The following MMGT1 variants were observed in gnomAD, a reference collection of about 807,000 sequenced individuals.
MMGT1 encodes the protein ER membrane protein complex subunit 5.
In MMGT1, 2 loss-of-function variants were observed where a neutral mutation model predicts 11.7. That is an observed-to-expected ratio of 0.17 (90% CI 0.07 to 0.54). The LOEUF is 0.54. MMGT1 is among the 20% of genes least tolerant of loss of function. The pLI is 0.94. For missense variants in MMGT1, 74 were observed against 109.0 expected (o/e 0.68, Z 1.43); for synonymous variants, 49 against 44.4 (o/e 1.10, Z -0.41).
In MMGT1 at chrX:135,963,043, T is replaced by C. The variant is rs1556611591; in HGVS notation, c.*1981A>G. 1.8e-5 allele frequency: 2 copies of C among 111,234 alleles called. 1 individual carries two copies. Among genetic ancestry groups the C allele is most frequent in the Middle Eastern group, 9.3e-3 (2 of 216 alleles). The allele number at this position is 111,234 out of a possible 1,213,427, so 9.2% of individuals were successfully genotyped here. A position where few individuals can be genotyped will look rare whatever the true frequency, so the allele number is the denominator to read the frequency against. ...GAAGCCAGTCCCAAAAGACCGAATA[T>C]TGTAGAATTCCATTTATATGAAATG... On this transcript the variant is annotated 3_prime_UTR_variant, in exon 4 of 4. Coordinates refer to ENST00000305963, the MANE Select transcript of MMGT1 (RefSeq NM_173470.3).
Position 135,973,587 on chromosome X carries a change from A to C in MMGT1, c.79+10T>G. On this transcript the variant is annotated intron_variant, in intron 1 of 3. Coordinates refer to ENST00000305963, the MANE Select transcript of MMGT1 (RefSeq NM_173470.3). ...CACACCGAAGCGGTCCCCGTGCCCC[A>C]GGCACTTACGCTGCGCAGCGGAAAA... is the stretch of plus-strand genomic sequence containing the variant. 1 of 1,160,624 alleles carries C rather than the reference A, an allele frequency of 8.6e-7. No homozygotes were observed. Among genetic ancestry groups the C allele is most frequent in the East Asian group, 3.3e-5 (1 of 30,726 alleles).
Position 135,961,275 on chromosome X carries a change from TGATACA to T in MMGT1, c.*3743_*3748del, listed in dbSNP as rs2089153201. Among the ~76,000 whole-genome samples the T allele has an allele frequency of 9.1e-6, 1 of 109,835 alleles. No individual in the cohort carries two copies. Among genetic ancestry groups the T allele is most frequent in the African/African-American group, 3.3e-5 (1 of 30,553 alleles). On this transcript the variant is annotated 3_prime_UTR_variant, in exon 4 of 4. Transcript: ENST00000305963. The stretch of plus-strand genomic sequence containing the variant: ...AATAATGAGGTATTTTTATATATAC[TGATACA>T]GAAAGATCTCATAAAACACAGGTAG...
At position 135,962,325 on chromosome X, in the gene MMGT1, A is replaced by T. The variant is rs1200234636; in HGVS notation, c.*2699T>A. On this transcript the variant is annotated 3_prime_UTR_variant, in exon 4 of 4. Coordinates refer to ENST00000305963, the MANE Select transcript of MMGT1 (RefSeq NM_173470.3). ...TCACCTCCAACTCATTGATATGCAT[A>T]TTCTGCGGCTGCACAGTATTTGGCT... 8.9e-6 allele frequency: 1 copy of T among 111,774 alleles called. No individual in the cohort carries two copies. The highest frequency in any genetic ancestry group is 1.9e-5 in the Non-Finnish European group (1 of 53,148). 9.2% of individuals were successfully genotyped at this position (111,774 alleles called of 1,213,427 possible).
At chrX:135,970,323 C>T (rs895503701) in intron 2 of MMGT1, among the ~76,000 whole-genome samples, 2 of 110,205 alleles carry the variant, frequency 1.8e-5, no homozygotes, top group Non-Finnish European at 3.8e-5. Flanking sequence ...GCCCAGATCG[C>T]GTCACTGCAT....
At position 135,973,794 on chromosome X, in the gene MMGT1, A is replaced by T. The variant is rs1556612902; in HGVS notation, c.-119T>A. The T allele has an allele frequency of 1.7e-6, 2 of 1,164,771 alleles. No homozygotes were observed. The highest frequency in any genetic ancestry group is 6.5e-5 in the East Asian group (2 of 30,560). ...GACGTCACTGAAGTCCTGAGCGCAA[A>T]GTGTCTCAGTGGTGGAAAAGCCAGA... On this transcript the variant is annotated 5_prime_UTR_variant, in exon 1 of 4. Transcript: ENST00000305963.
chrX:135,968,499 T>TTGTGTGTGTGTGTGTGTG lies in MMGT1; in HGVS notation c.133-1024_133-1007dup, dbSNP rs61012323. The stretch of plus-strand genomic sequence containing the variant: ...GCTTTCCTCGCTCAACATTATGTCA[T>TTGTGTGTGTGTGTGTGTG]TGTGTGTGTGTGTGTGTGTGTGTGT... On this transcript the variant is annotated intron_variant, in intron 2 of 3. Coordinates refer to ENST00000305963, the MANE Select transcript of MMGT1 (RefSeq NM_173470.3). Among the ~76,000 whole-genome samples, 148 of 85,025 alleles carry TTGTGTGTGTGTGTGTGTG rather than the reference T, an allele frequency of 1.7e-3. 1 individual carries two copies. Among genetic ancestry groups the TTGTGTGTGTGTGTGTGTG allele is most frequent in the East Asian group, 3.8e-3 (10 of 2,599 alleles). The allele number at this position is 85,025 out of a possible 115,157, so 73.8% of individuals were successfully genotyped here. A position where few individuals can be genotyped will look rare whatever the true frequency, so the allele number is the denominator to read the frequency against.
intron 2 of MMGT1, among the ~76,000 whole-genome samples, chrX:135,969,170 G>GTGTGTA (rs1332277564): frequency 2.7e-5 from 3 of 109,470 alleles, no homozygotes; most frequent in Non-Finnish European, 5.7e-5. Flanking sequence ...GTGTGTGTGT[G>GTGTGTA]TATCTACCAC....
rs782315027 is a variant in MMGT1, at chrX:135,961,635, G to A, written c.*3389C>T. On this transcript the variant is annotated 3_prime_UTR_variant, in exon 4 of 4. Transcript: ENST00000305963. ...TGGTGTTATTTTTCAAAATACTGTA[G>A]ATAAGTGCCAAGTTTTGCAATTTAG... Among the ~76,000 whole-genome samples, 1 of 111,624 alleles carries A rather than the reference G, an allele frequency of 9.0e-6. No homozygotes were observed. The highest frequency in any genetic ancestry group is 1.9e-5 in the Non-Finnish European group (1 of 53,096).
chrX:135,972,373 G>A (rs1556612658), intron 1 of MMGT1, among the ~76,000 whole-genome samples: 3 of 112,491 alleles, frequency 2.7e-5, no homozygotes, highest in Non-Finnish European at 5.6e-5. Context: ...AATGTGTTTA[G>A]AGACATTTCT....
rs1556612820 is a variant in MMGT1, at chrX:135,973,616, G to C, written c.60C>G (p.Ala20=). The change falls in exon 1 of 4, where the codon GCC becomes GCG. Residue 20 remains alanine (A), a synonymous_variant. Coordinates refer to ENST00000305963, the MANE Select transcript of MMGT1 (RefSeq NM_173470.3). The part of the protein sequence containing the change: ...VGIGLFALAH[A]AFSAAQHRSY... ...ACTTACGCTGCGCAGCGGAAAAGGC[G>C]GCGTGGGCTAGGGCAAAGAGACCGA... The C allele has an allele frequency of 8.6e-7, 1 of 1,166,582 alleles. No homozygotes were observed. Among genetic ancestry groups the C allele is most frequent in the African/African-American group, 1.8e-5 (1 of 56,420 alleles).
chrX:135,967,547 T>G (rs1174051764), intron 2 of MMGT1, 54 bp from the exon 3 acceptor site: 6 of 744,288 alleles, frequency 8.1e-6, no homozygotes, highest in Non-Finnish European at 1.2e-5. Context: ...TTATAAATAT[T>G]TACAATTTTC....
chrX:135,968,072 G>A (rs933744310), intron 2 of MMGT1, among the ~76,000 whole-genome samples: 6 of 111,598 alleles, frequency 5.4e-5, no homozygotes, highest in Admixed American at 9.5e-5. Flanking sequence ...GGCTGGTCTC[G>A]AACTCCTGAC....
Position 135,963,626 on chromosome X carries a change from T to C in MMGT1, c.*1398A>G, listed in dbSNP as rs1299641988. 8.9e-6 allele frequency: 1 copy of C among 112,388 alleles called. No individual in the cohort carries two copies. The highest frequency in any genetic ancestry group is 1.9e-5 in the Non-Finnish European group (1 of 53,252). 9.3% of individuals were successfully genotyped at this position (112,388 alleles called of 1,213,427 possible). A position where few individuals can be genotyped will look rare whatever the true frequency, so the allele number is the denominator to read the frequency against. On this transcript the variant is annotated 3_prime_UTR_variant, in exon 4 of 4. Transcript: ENST00000305963. ...AAAAACCCAATGAAAAATAATCTCA[T>C]GCTTTGGGGCTATGTGTTACCAGTC...
chrX:135,973,555 A>T, intron 1 of MMGT1, 42 bp downstream of exon 1: 1 of 1,084,124 alleles, frequency 9.2e-7, no homozygotes, highest in Non-Finnish European at 1.3e-6. Flanking sequence ...CACCGCCCCT[A>T]GGGTTCCACA....
In MMGT1 at chrX:135,973,722, A is replaced by G; in HGVS notation, c.-47T>C. On this transcript the variant is annotated 5_prime_UTR_variant, in exon 1 of 4. Coordinates refer to ENST00000305963, the MANE Select transcript of MMGT1 (RefSeq NM_173470.3). Reference sequence around the variant, plus strand: ...CAGCAAAAGAAGCGAAGGACGGCGGAGCTGTTTCTTCTTCCACCGGCGGGT... The same window carrying G: ...CAGCAAAAGAAGCGAAGGACGGCGGGGCTGTTTCTTCTTCCACCGGCGGGT... The G allele has an allele frequency of 8.6e-7, 1 of 1,166,911 alleles. No homozygotes were observed. The highest frequency in any genetic ancestry group is 1.1e-6 in the Non-Finnish European group (1 of 872,930).
intron 2 of MMGT1, among the ~76,000 whole-genome samples, chrX:135,968,820 G>A (rs2089201401): frequency 9.0e-6 from 1 of 111,575 alleles, no homozygotes; most frequent in Admixed American, 9.5e-5. Context: ...ATGAGCCACC[G>A]TGCTCGGCCA....
Position 135,961,431 on chromosome X carries a change from G to A in MMGT1, c.*3593C>T, listed in dbSNP as rs2089154340. On this transcript the variant is annotated 3_prime_UTR_variant, in exon 4 of 4. Coordinates refer to ENST00000305963, the MANE Select transcript of MMGT1 (RefSeq NM_173470.3). ...CTGTGAGTACAAGACACTTGAAACT[G>A]GTTACTTTTGGAGAGGAGTATTAGG... Among the ~76,000 whole-genome samples, 2 of 111,235 alleles carry A rather than the reference G, an allele frequency of 1.8e-5. No homozygotes were observed. Among genetic ancestry groups the A allele is most frequent in the African/African-American group, 6.5e-5 (2 of 30,591 alleles).
chrX:135,971,655 A>G (rs887882712), intron 1 of MMGT1, among the ~76,000 whole-genome samples: 1 of 112,525 alleles, frequency 8.9e-6, no homozygotes, highest in Non-Finnish European at 1.9e-5. Context: ...CAGTATGGAC[A>G]AAATAATACT....
Position 135,964,981 on chromosome X carries a change from T to C in MMGT1, c.*43A>G, listed in dbSNP as rs1175110443. The C allele has an allele frequency of 9.5e-6, 11 of 1,153,554 alleles. No homozygotes were observed. In the East Asian group the frequency reaches 3.3e-4, roughly 35 times the overall value. ...TGTTTTATACCCCAAACTCCAATAT[T>C]CCAGCTCTGTGTCCTGTCCTATTAT... is the stretch of plus-strand genomic sequence containing the variant. On this transcript the variant is annotated 3_prime_UTR_variant, in exon 4 of 4. Coordinates refer to ENST00000305963, the MANE Select transcript of MMGT1 (RefSeq NM_173470.3).
Sources: allele counts gnomAD v4.1 joint callset (sites outside exome capture counted in the v4.1 genomes callset), GRCh38; gene constraint gnomAD v4.1.1; transcripts MANE v1.5; gene names NCBI Gene and HGNC (gene_info 2026-07-23, HGNC 2026-07-21).